The following NBPF20 variants were observed in gnomAD, a reference collection of about 807,000 sequenced individuals.
NBPF20 encodes NBPF family member NBPF20.
NBPF20 carries 90 observed loss-of-function variants against 68.1 expected under a neutral mutation model. That is an observed-to-expected ratio of 1.32 (90% CI 1.11 to 1.58). The LOEUF (loss-of-function observed/expected upper bound fraction) is 1.58, where lower values mean the gene tolerates loss of function less well. Among genes scored for constraint, NBPF20 ranks in the 40% most tolerant of loss-of-function variants. The probability of loss-of-function intolerance (pLI) is 0.00; values close to 1 mark genes in which losing one functional copy is unlikely to be tolerated. For synonymous variants in NBPF20, 290 were observed against 228.1 expected, an observed-to-expected ratio of 1.27 and a Z score of -2.45; for missense variants, 816 against 601.2, an observed-to-expected ratio of 1.36 and a Z score of -3.74.
exon 138 of NBPF20, chr1:145,291,604 G>A (rs202017814): frequency 1.1e-5 from 17 of 1,611,852 alleles, no homozygotes; most frequent in East Asian, 6.7e-5. Flanking sequence ...TATTGTCCAC[G>A]TAAAGGGCGA....
At chr1:145,398,495 T>C (rs1662365515) in intron 7 of NBPF20, among the ~76,000 whole-genome samples, 1 of 151,868 alleles carries the variant, frequency 6.6e-6, no homozygotes, top group Non-Finnish European at 1.5e-5. Flanking sequence ...AATAACAAAA[T>C]GAAGGCAGAA....
chr1:145,394,927 C>T (rs1341342239), intron 8 of NBPF20, 51 bp downstream of exon 13: 1 of 1,608,362 alleles, frequency 6.2e-7, no homozygotes, highest in Non-Finnish European at 8.5e-7. Flanking sequence ...ATTATGGGGT[C>T]TACCTGGGCC....
Position 145,404,664 on chromosome 1 carries a change from T to C in NBPF20, c.175+434A>G, listed in dbSNP as rs74813420. On this transcript the variant is annotated intron_variant, in intron 2 of 137. Transcript: ENST00000369373. ...AGGTACTGGCTACTATCACCAAGTT[T>C]CCCTCAGAGTCACTAGAACACAGCT... Among the ~76,000 whole-genome samples, 29 of 152,248 alleles carry C rather than the reference T, an allele frequency of 1.9e-4. 2 individuals carry two copies. In the East Asian group the frequency reaches 3.3e-3, roughly 17 times the overall value.
At chr1:145,398,041 A>T (rs1662345862) in intron 7 of NBPF20, among the ~76,000 whole-genome samples, 1 of 152,202 alleles carries the variant, frequency 6.6e-6, no homozygotes, top group South Asian at 2.1e-4. Flanking sequence ...ACTATCCTAA[A>T]CATATATGCA....
At chr1:145,400,260 C>T in intron 6 of NBPF20, 129 bp downstream of exon 11, 4 of 1,584,964 alleles carry the variant, frequency 2.5e-6, no homozygotes, top group Non-Finnish European at 2.6e-6. Context: ...CAAAAAAAGT[C>T]CCTGATATCT....
exon 138 of NBPF20, chr1:145,290,107 G>C (rs587772124): frequency 6.7e-6 from 1 of 149,078 alleles, no homozygotes; most frequent in Admixed American, 6.6e-5. Flanking sequence ...GCAGACACTA[G>C]TAAAAACAAA....
chr1:145,405,405 C>A lies in NBPF20; in HGVS notation c.-36+5G>T. 1.9e-6 allele frequency: 3 copies of A among 1,562,772 alleles called. No individual in the cohort carries two copies. Among genetic ancestry groups the A allele is most frequent in the Middle Eastern group, 2.3e-4 (1 of 4,364 alleles). On this transcript the variant is annotated splice_donor_5th_base_variant and intron_variant, in intron 1 of 137. Transcript: ENST00000369373. ...GGATGTCAGTAACTGAAATTCTTAC[C>A]TTACTGTTGTGAAAAATGTGATCAC...
chr1:145,291,306 T>G (rs1661060072), exon 138 of NBPF20: 1 of 698,184 alleles, frequency 1.4e-6, no homozygotes, highest in East Asian at 2.6e-5. Context: ...TCCCGGCATG[T>G]GCTGCACAGT....
In NBPF20 at chr1:145,393,402, C is replaced by A. The variant is rs1471271745; in HGVS notation, c.1044-156G>T. Among the ~76,000 whole-genome samples, 53 of 151,400 alleles carry A rather than the reference C, an allele frequency of 3.5e-4. 1 individual carries two copies. The highest frequency in any genetic ancestry group is 7.3e-4 in the Admixed American group (11 of 15,154). Reference sequence around the variant, plus strand: ...ATTATTGCCTTTATGTTGGGATAGACTAGGGCCAGGTAGAAAAGGATGAAA... The same window carrying A: ...ATTATTGCCTTTATGTTGGGATAGAATAGGGCCAGGTAGAAAAGGATGAAA... On this transcript the variant is annotated intron_variant, in intron 9 of 137. Coordinates refer to ENST00000369373, the Ensembl canonical transcript of NBPF20.
rs1213675540 is a variant in NBPF20 at position 145,298,389 on chromosome 1, G to C, written c.15684-255C>G. Among the ~76,000 whole-genome samples, 237 of 143,672 alleles carry C rather than the reference G, an allele frequency of 1.6e-3. 4 individuals are homozygous for C. The highest frequency in any genetic ancestry group is 0.01 in the Middle Eastern group (3 of 290). 94.3% of individuals were successfully genotyped at this position (143,672 alleles called of 152,430 possible). On this transcript the variant is annotated intron_variant, in intron 129 of 137. Transcript: ENST00000369373. ...ACACACAGACACACACACACACACAGAGAGAGAGAACGAGCTCAGTGAATT... is the reference window on the plus strand; with the variant it reads ...ACACACAGACACACACACACACACACAGAGAGAGAACGAGCTCAGTGAATT...
At chr1:145,408,845 T>C (rs1467105786), upstream of NBPF20, among the ~76,000 whole-genome samples, 9 of 152,008 alleles carry the variant, frequency 5.9e-5, no homozygotes, top group Admixed American at 2.0e-4. Flanking sequence ...ATCTCTATTA[T>C]GTTTTATTGA....
exon 2 of NBPF20, chr1:145,405,129 G>C: frequency 5.6e-6 from 9 of 1,613,708 alleles, no homozygotes; most frequent in Non-Finnish European, 7.6e-6. Context: ...CCAGGAAGCC[G>C]GCCAGTTGAG....
intron 9 of NBPF20, 72 bp from the exon 15 acceptor site, chr1:145,393,318 T>C (rs2101529231): frequency 2.9e-6 from 2 of 681,488 alleles, no homozygotes; most frequent in Admixed American, 2.1e-5. Flanking sequence ...CTAGATTTCA[T>C]GGCTAACGTA....
At chr1:145,398,439 A>C (rs1662363909) in intron 7 of NBPF20, among the ~76,000 whole-genome samples, 2 of 152,134 alleles carry the variant, frequency 1.3e-5, no homozygotes, top group African/African-American at 4.8e-5. Context: ...AAAACCGCAC[A>C]ACTACATGGA....
chr1:145,405,414 G>T lies in NBPF20; in HGVS notation c.-40C>A. 8 of 1,570,144 alleles carry T rather than the reference G, an allele frequency of 5.1e-6. No individual in the cohort carries two copies. In the South Asian group the frequency reaches 5.7e-5, roughly 11 times the overall value. On this transcript the variant is annotated 5_prime_UTR_variant, in exon 1 of 138. Coordinates refer to ENST00000369373, the Ensembl canonical transcript of NBPF20. Reference sequence around the variant, plus strand: ...TAACTGAAATTCTTACCTTACTGTTGTGAAAAATGTGATCACTCCCCACAG... The same window carrying T: ...TAACTGAAATTCTTACCTTACTGTTTTGAAAAATGTGATCACTCCCCACAG...
At chr1:145,411,436 G>A in the NBPF20 span, among the ~76,000 whole-genome samples, 1 of 111,044 alleles carries the variant, frequency 9.0e-6, no homozygotes, top group Non-Finnish European at 1.8e-5. Flanking sequence ...CTGTTACCCA[G>A]GCTGGAGTGC....
chr1:145,423,833 C>T, the NBPF20 span, among the ~76,000 whole-genome samples: 1 of 152,180 alleles, frequency 6.6e-6, no homozygotes, highest in Non-Finnish European at 1.5e-5. Context: ...TTTGGGAAAA[C>T]ATTCAACAAT....
At chr1:145,394,068 T>G (rs1346251990) in intron 8 of NBPF20, 133 bp from the exon 14 acceptor site, 3 of 693,414 alleles carry the variant, frequency 4.3e-6, no homozygotes, top group Non-Finnish European at 7.8e-6. Context: ...GAGAGAAATA[T>G]TCCAGTAGGC....
At chr1:145,291,920 T>C (rs1355783610) in intron 137 of NBPF20, 151 bp from the exon 143 acceptor site, 1 of 1,512,602 alleles carries the variant, frequency 6.6e-7, no homozygotes, top group Non-Finnish European at 8.9e-7. Flanking sequence ...TGCCTATATG[T>C]TGGGATAGAA....
Sources: gnomAD v4.1 joint callset for allele counts (sites outside exome capture counted in the v4.1 genomes callset) on GRCh38, gnomAD v4.1.1 for gene constraint, MANE v1.5 for transcripts, NCBI Gene and HGNC (gene_info 2026-07-23, HGNC 2026-07-21) for gene names.